The following PTPRK variants were observed in gnomAD, a reference collection of about 807,000 sequenced individuals.
PTPRK encodes the protein receptor-type tyrosine-protein phosphatase kappa.
In PTPRK, 75 loss-of-function variants were observed where a neutral mutation model predicts 178.0. The observed-to-expected ratio is 0.42, with a 90% CI of 0.35 to 0.51. The LOEUF (loss-of-function observed/expected upper bound fraction) is 0.51. PTPRK is among the 20% of genes least tolerant of loss of function. The pLI, the probability that PTPRK is intolerant of heterozygous loss-of-function variation, is 0.02. For synonymous variants in PTPRK, 637 were observed against 620.6 expected, an observed-to-expected ratio of 1.03 and a Z score of -0.39; for missense variants, 1,441 against 1,797.8, an observed-to-expected ratio of 0.80 and a Z score of 3.59.
chr6:128,081,137 C>A (rs1353274509), intron 10 of PTPRK, among the ~76,000 whole-genome samples: 1 of 151,968 alleles, frequency 6.6e-6, no homozygotes, highest in Non-Finnish European at 1.5e-5. Context: ...TCAATTATAG[C>A]ACTGCTGCTA....
chr6:128,177,770 C>T lies in PTPRK; in HGVS notation c.1162+6662G>A, dbSNP rs540528233. Among the ~76,000 whole-genome samples the T allele has an allele frequency of 9.9e-5, 15 of 151,864 alleles. No homozygotes were observed. In the South Asian group the frequency reaches 2.9e-3, roughly 29 times the overall value. Reference sequence around the variant, plus strand: ...TGACTCTTATGCTGGGAACTCCTAGCATAATAGACCATTAGCAGAATGTAT... The same window carrying T: ...TGACTCTTATGCTGGGAACTCCTAGTATAATAGACCATTAGCAGAATGTAT... On this transcript the variant is annotated intron_variant, in intron 7 of 29. Coordinates refer to ENST00000368226, the MANE Select transcript of PTPRK (RefSeq NM_002844.4).
At chr6:128,493,511 G>A (rs1186727721) in intron 1 of PTPRK, among the ~76,000 whole-genome samples, 1 of 150,864 alleles carries the variant, frequency 6.6e-6, no homozygotes, top group Non-Finnish European at 1.5e-5. Flanking sequence ...GCAGTGAGCC[G>A]AGATCGTGCC....
At chr6:128,314,906 C>T (rs538734719) in intron 3 of PTPRK, among the ~76,000 whole-genome samples, 7 of 151,462 alleles carry the variant, frequency 4.6e-5, no homozygotes, top group South Asian at 2.1e-4. Context: ...GTCTAATATA[C>T]GTATCAGAAA....
intron 7 of PTPRK, among the ~76,000 whole-genome samples, chr6:128,142,957 T>C (rs1795988336): frequency 6.6e-6 from 1 of 152,152 alleles, no homozygotes; most frequent in East Asian, 1.9e-4. Flanking sequence ...AACTAAGATA[T>C]TTATGGCCTT....
chr6:128,015,452 C>T (rs1779500707), intron 13 of PTPRK, among the ~76,000 whole-genome samples: 1 of 151,638 alleles, frequency 6.6e-6, no homozygotes, highest in African/African-American at 2.4e-5. Flanking sequence ...ATTCTCCACC[C>T]CACCTTCGAC....
chr6:128,408,320 G>A (rs192456286), intron 1 of PTPRK, among the ~76,000 whole-genome samples: 101 of 152,182 alleles, frequency 6.6e-4, no homozygotes, highest in Non-Finnish European at 9.7e-4. Context: ...CCCAGGAGGC[G>A]GAGGTTACAG....
At chr6:128,169,505 G>A (rs1486792129) in intron 7 of PTPRK, among the ~76,000 whole-genome samples, 1 of 151,794 alleles carries the variant, frequency 6.6e-6, no homozygotes, top group African/African-American at 2.4e-5. Context: ...TTTTACCAAT[G>A]AAATGACTTG....
chr6:128,493,591 T>TACACACCCACACAC (rs1854206951), intron 1 of PTPRK, among the ~76,000 whole-genome samples: 1 of 124,032 alleles, frequency 8.1e-6, no homozygotes, highest in African/African-American at 3.1e-5. Flanking sequence ...TCCCGCCCCC[T>TACACACCCACACAC]ACACACACAC....
At chr6:128,041,273 A>G (rs929390975) in intron 13 of PTPRK, among the ~76,000 whole-genome samples, 2 of 152,104 alleles carry the variant, frequency 1.3e-5, no homozygotes, top group Non-Finnish European at 2.9e-5. Context: ...GTCACCATTC[A>G]TTCAAGAAAG....
chr6:127,982,358 C>T (rs976868014), intron 24 of PTPRK, among the ~76,000 whole-genome samples: 2 of 152,082 alleles, frequency 1.3e-5, no homozygotes, highest in Admixed American at 6.5e-5. Flanking sequence ...CTGCAAGCTC[C>T]GCCTGCCAGG....
At chr6:127,994,734 T>G (rs1776954449) in intron 18 of PTPRK, among the ~76,000 whole-genome samples, 1 of 151,934 alleles carries the variant, frequency 6.6e-6, no homozygotes, top group African/African-American at 2.4e-5. Flanking sequence ...AAGCAACCTT[T>G]TTCATTTCTG....
chr6:128,515,949 GA>G (rs1307997658), intron 1 of PTPRK, among the ~76,000 whole-genome samples: 2 of 152,114 alleles, frequency 1.3e-5, no homozygotes, highest in Non-Finnish European at 2.9e-5. Context: ...TTTCTATATG[GA>G]ATCTTATCAC....
intron 8 of PTPRK, 41 bp from the exon 9 acceptor site, chr6:128,083,865 T>TGGCCGAA: frequency 9.0e-7 from 1 of 1,115,880 alleles, no homozygotes; most frequent in South Asian, 1.8e-5. Context: ...AATGCTTACA[T>TGGCCGAA]TAGAAACAGA....
intron 1 of PTPRK, among the ~76,000 whole-genome samples, chr6:128,486,958 G>GA (rs903768713): frequency 6.6e-6 from 1 of 151,072 alleles, no homozygotes; most frequent in African/African-American, 2.4e-5. Context: ...AACTAGCTCA[G>GA]AAAAAAAGAA....
chr6:128,281,063 G>C (rs1821593044), intron 3 of PTPRK, among the ~76,000 whole-genome samples: 3 of 152,114 alleles, frequency 2.0e-5, no homozygotes, highest in Admixed American at 1.3e-4. Context: ...TGCAAACATT[G>C]GGTCATATTA....
chr6:128,145,173 CAAG>C, intron 7 of PTPRK, among the ~76,000 whole-genome samples: 1 of 152,108 alleles, frequency 6.6e-6, no homozygotes, highest in East Asian at 1.9e-4. Context: ...CACTGCCTTT[CAAG>C]AAAGCTAGAG....
At chr6:128,260,871 T>C (rs1422994946) in intron 3 of PTPRK, among the ~76,000 whole-genome samples, 2 of 152,186 alleles carry the variant, frequency 1.3e-5, no homozygotes, top group East Asian at 3.8e-4. Context: ...AATACTGCTT[T>C]AGCAAGCTTA....
intron 2 of PTPRK, among the ~76,000 whole-genome samples, chr6:128,392,105 C>T (rs1839673878): frequency 6.6e-6 from 1 of 152,088 alleles, no homozygotes; most frequent in Non-Finnish European, 1.5e-5. Context: ...TCACCCCTAC[C>T]CCTTTCTGTA....
At chr6:128,264,407 G>T (rs1818639703) in intron 3 of PTPRK, among the ~76,000 whole-genome samples, 2 of 152,128 alleles carry the variant, frequency 1.3e-5, no homozygotes, top group African/African-American at 4.8e-5. Context: ...ACTGTACAGT[G>T]CTTTAAATAC....
Sources: allele counts gnomAD v4.1 joint callset (sites outside exome capture counted in the v4.1 genomes callset), GRCh38; gene constraint gnomAD v4.1.1; transcripts MANE v1.5; gene names NCBI Gene and HGNC (gene_info 2026-07-23, HGNC 2026-07-21).